ASB15: variants seen among roughly 807,000 people sequenced by gnomAD.
The protein encoded by ASB15 is ankyrin repeat and SOCS box protein 15.
A neutral mutation model predicts 58.0 loss-of-function variants in ASB15; 54 were observed. The ratio of observed to expected loss-of-function variants is 0.93; its 90% CI spans 0.75 to 1.17. ASB15 has a LOEUF of 1.17. ASB15 is among the 50% of genes most tolerant of loss of function. ASB15 has a pLI of 0.00. For missense variants in ASB15, 680 were observed against 707.4 expected (o/e 0.96, Z 0.44); for synonymous variants, 249 against 262.4 (o/e 0.95, Z 0.50).
chr7:123,611,253 T>C (rs1370094886), intron 3 of ASB15, among the ~76,000 whole-genome samples: 2 of 152,048 alleles, frequency 1.3e-5, no homozygotes, highest in Non-Finnish European at 2.9e-5. Flanking sequence ...GGCCCTCAGG[T>C]GGGATTGAGT....
At chr7:123,594,577 T>C (rs1447262150) in intron 1 of ASB15, among the ~76,000 whole-genome samples, 4 of 152,156 alleles carry the variant, frequency 2.6e-5, no homozygotes, top group African/African-American at 7.2e-5. Context: ...GGAGGTCCAC[T>C]CCAGACCCTG....
chr7:123,627,149 T>C lies in ASB15; in HGVS notation c.737T>C (p.Val246Ala). The part of the protein sequence containing the change: ...VLALADDGAS[V>A]LFEAAGGGNP... The stretch of plus-strand genomic sequence containing the variant: ...GCTTTGGCGGATGATGGGGCGTCGG[T>C]GCTGTTTGAGGCAGCAGGAGGTGGC... Residue 246 changes from valine (V) to alanine (A), a missense_variant, in exon 9 of 12, where the codon GTG (valine) becomes GCG (alanine). Physicochemically the swap from Val to Ala is moderately conservative, Grantham distance 64. Coordinates refer to ENST00000451215, the MANE Select transcript of ASB15 (RefSeq NM_001290258.2). 1 of 1,613,934 alleles carries C rather than the reference T, an allele frequency of 6.2e-7. No individual in the cohort carries two copies. Among genetic ancestry groups the C allele is most frequent in the Non-Finnish European group, 8.5e-7 (1 of 1,179,942 alleles).
intron 4 of ASB15, 51 bp from the exon 5 acceptor site, chr7:123,616,170 G>T: frequency 1.4e-6 from 2 of 1,393,434 alleles, no homozygotes; most frequent in South Asian, 2.5e-5. Context: ...TTGGTTCCTT[G>T]AACTATATCA....
At chr7:123,615,398 G>A (rs1800736617) in intron 4 of ASB15, 1 of 152,048 alleles carries the variant, frequency 6.6e-6, no homozygotes, top group Non-Finnish European at 1.5e-5. Flanking sequence ...TGTTGCTTTT[G>A]AGCTTTGAAA....
In ASB15 at chr7:123,581,092, C is replaced by T. The variant is rs73222292; in HGVS notation, c.-443+14004C>T. 3.4e-3 allele frequency among the ~76,000 whole-genome samples: 516 copies of T among 151,950 alleles called. 2 individuals carry two copies. Among genetic ancestry groups the T allele is most frequent in the Non-Finnish European group, 5.1e-3 (346 of 67,932 alleles). On this transcript the variant is annotated intron_variant, in intron 1 of 13. Transcript: ENST00000451558. The stretch of plus-strand genomic sequence containing the variant: ...TCCACTTAAAAATGGCTTGTATTTA[C>T]GGATAATTCAGGTGGTATCTGTGTC...
intron 1 of ASB15, among the ~76,000 whole-genome samples, chr7:123,586,585 T>A (rs1799380527): frequency 6.6e-6 from 1 of 151,884 alleles, no homozygotes; most frequent in African/African-American, 2.4e-5. Context: ...TATTTTTGCT[T>A]TTATTGCCTG....
intron 1 of ASB15, among the ~76,000 whole-genome samples, chr7:123,586,973 TTTGTATTATAATTTGAA>T (rs1335232485): frequency 2.0e-5 from 3 of 151,752 alleles, no homozygotes; most frequent in African/African-American, 7.2e-5. Context: ...ATTTGAAATC[TTTGTATTATAATTTGAA>T]TTGTATTATA....
At position 123,627,083 on chromosome 7, in the gene ASB15, T is replaced by C. The variant is rs115208447; in HGVS notation, c.698-27T>C. On this transcript the variant is annotated intron_variant, in intron 8 of 11. Transcript: ENST00000451215. ...TTGTTTAAACAATACCATCCAGTTA[T>C]CATTATGCCACGTTTTATACTGCCA... 1.1e-3 allele frequency: 1,716 copies of C among 1,600,322 alleles called. 20 individuals are homozygous for C. In the African/African-American group the frequency reaches 0.02, roughly 19 times the overall value.
chr7:123,629,703 T>A (rs142751060), intron 10 of ASB15, among the ~76,000 whole-genome samples: 3 of 152,224 alleles, frequency 2.0e-5, no homozygotes, highest in African/African-American at 7.2e-5. Flanking sequence ...CTTCTGCCTG[T>A]TTGGTAGAAT....
intron 1 of ASB15, among the ~76,000 whole-genome samples, chr7:123,588,182 T>G (rs950375953): frequency 2.6e-5 from 4 of 151,766 alleles, no homozygotes; most frequent in Admixed American, 2.6e-4. Context: ...TGTAGGGAGA[T>G]TTTTGATTAC....
At chr7:123,592,788 A>T (rs1799576930) in intron 1 of ASB15, among the ~76,000 whole-genome samples, 1 of 151,954 alleles carries the variant, frequency 6.6e-6, no homozygotes, top group Non-Finnish European at 1.5e-5. Context: ...AGTTCTGTAG[A>T]TGTGCATTAC....
chr7:123,575,124 G>A (rs74581393), intron 1 of ASB15, among the ~76,000 whole-genome samples: 2,446 of 135,238 alleles, frequency 0.018, 30 homozygotes, highest in Non-Finnish European at 0.029. Flanking sequence ...TTCAATTTTT[G>A]GATAATTTTT....
chr7:123,589,848 C>T (rs1020256128), intron 1 of ASB15, among the ~76,000 whole-genome samples: 1 of 152,120 alleles, frequency 6.6e-6, no homozygotes, highest in African/African-American at 2.4e-5. Flanking sequence ...AATGGGATCG[C>T]TAAGTCAAAT....
rs1357117531 is a variant in ASB15, at chr7:123,632,040, T to G, written c.1594+1921T>G. On this transcript the variant is annotated intron_variant, in intron 11 of 11. Coordinates refer to ENST00000451215, the MANE Select transcript of ASB15 (RefSeq NM_001290258.2). ...TTGCAGTGAGCCGAGATCGCCCCAC[T>G]GCACTCCAGCCTGGGCGACAGAGCG... Among the ~76,000 whole-genome samples the G allele has an allele frequency of 3.3e-5, 5 of 152,038 alleles. No individual in the cohort carries two copies. The East Asian group carries it at 9.7e-4, about 29-fold the overall frequency.
At chr7:123,580,899 G>T (rs58675252) in intron 1 of ASB15, among the ~76,000 whole-genome samples, 1 of 152,090 alleles carries the variant, frequency 6.6e-6, no homozygotes, top group East Asian at 1.9e-4. Flanking sequence ...AGACCGTTCG[G>T]TTAAGTCTAT....
intron 3 of ASB15, among the ~76,000 whole-genome samples, chr7:123,611,517 C>G (rs1360342029): frequency 6.6e-6 from 1 of 152,026 alleles, no homozygotes; most frequent in Non-Finnish European, 1.5e-5. Flanking sequence ...AGGATGGTCT[C>G]GATCTCCTGA....
intron 11 of ASB15, among the ~76,000 whole-genome samples, chr7:123,630,578 C>T (rs1802067728): frequency 6.6e-6 from 1 of 151,860 alleles, no homozygotes; most frequent in Non-Finnish European, 1.5e-5. Context: ...TTGACAAAGT[C>T]CTACCATCAA....
chr7:123,598,481 T>G (rs937056040), upstream of ASB15, among the ~76,000 whole-genome samples: 1 of 152,138 alleles, frequency 6.6e-6, no homozygotes, highest in African/African-American at 2.4e-5. Context: ...ATAGTGAAAA[T>G]TAAGTACTTT....
intron 1 of ASB15, among the ~76,000 whole-genome samples, chr7:123,580,859 TA>T (rs903604118): frequency 1.3e-5 from 2 of 151,830 alleles, no homozygotes; most frequent in African/African-American, 4.8e-5. Context: ...CGCAAACCAC[TA>T]AAAAAACGCA....
Sources: allele counts gnomAD v4.1 joint callset (sites outside exome capture counted in the v4.1 genomes callset), GRCh38; gene constraint gnomAD v4.1.1; transcripts MANE v1.5; gene names NCBI Gene and HGNC (gene_info 2026-07-23, HGNC 2026-07-21).